Variants in LHCGR observed in about 807,000 individuals in gnomAD.
The protein encoded by LHCGR is luteinizing hormone/choriogonadotropin receptor, also known as lutropin-choriogonadotropic hormone receptor.
A neutral mutation model predicts 60.7 loss-of-function variants in LHCGR; 55 were observed. The observed-to-expected ratio is 0.91, with a 90% CI of 0.73 to 1.13. The LOEUF (loss-of-function observed/expected upper bound fraction) is 1.13, where lower values mean the gene tolerates loss of function less well. LHCGR is among the 50% of genes most tolerant of loss of function. LHCGR has a pLI of 0.00. For synonymous variants in LHCGR, 337 were observed against 316.5 expected, an observed-to-expected ratio of 1.06 and a Z score of -0.69; for missense variants, 862 against 836.0, an observed-to-expected ratio of 1.03 and a Z score of -0.38.
At chr2:48,697,627 T>C (rs1667181643) in intron 9 of LHCGR, among the ~76,000 whole-genome samples, 1 of 152,198 alleles carries the variant, frequency 6.6e-6, no homozygotes, top group East Asian at 1.9e-4. Context: ...TAATTATAAA[T>C]AATTCATTTT....
chr2:48,747,252 C>G (rs866274542), intron 1 of LHCGR, among the ~76,000 whole-genome samples: 4 of 152,012 alleles, frequency 2.6e-5, no homozygotes, highest in Admixed American at 6.5e-5. Flanking sequence ...CCATGCCTGG[C>G]TAATTTTTTG....
chr2:48,746,372 T>C (rs879378425), intron 1 of LHCGR, among the ~76,000 whole-genome samples: 2 of 152,230 alleles, frequency 1.3e-5, no homozygotes, highest in Non-Finnish European at 2.9e-5. Context: ...ATCTTTCTTT[T>C]GGGCTCAGAT....
chr2:48,747,838 C>A (rs1170299544), intron 1 of LHCGR, among the ~76,000 whole-genome samples: 1 of 152,134 alleles, frequency 6.6e-6, no homozygotes, highest in East Asian at 1.9e-4. Flanking sequence ...TACCCAGAGC[C>A]CCACCCAAGG....
chr2:48,699,775 C>A (rs927807841), intron 8 of LHCGR, among the ~76,000 whole-genome samples: 4 of 152,230 alleles, frequency 2.6e-5, no homozygotes, highest in Non-Finnish European at 5.9e-5. Context: ...GTGAAAAGCT[C>A]AGGCTTTGTC....
chr2:48,752,230 G>A (rs1159881857), intron 1 of LHCGR, among the ~76,000 whole-genome samples: 2 of 152,206 alleles, frequency 1.3e-5, no homozygotes, highest in African/African-American at 2.4e-5. Context: ...CAGCAGGCTT[G>A]TCAGTGATAA....
In LHCGR at chr2:48,725,826, C is replaced by T. The variant is rs1292915908; in HGVS notation, c.309-76G>A. The T allele has an allele frequency of 4.1e-6, 5 of 1,225,230 alleles. No individual in the cohort carries two copies. The Admixed American group carries it at 8.4e-5, about 21-fold the overall frequency. 75.9% of individuals were successfully genotyped at this position (1,225,230 alleles called of 1,614,324 possible). A position where few individuals can be genotyped will look rare whatever the true frequency, so the allele number is the denominator to read the frequency against. On this transcript the variant is annotated intron_variant, in intron 3 of 10. Coordinates refer to ENST00000294954, the MANE Select transcript of LHCGR (RefSeq NM_000233.4). Reference sequence around the variant, plus strand: ...TTTGAAATGTGTGAGATCATGGTCACCAGAAGTTGCTGGCTGAAAATGGCA... The same window carrying T: ...TTTGAAATGTGTGAGATCATGGTCATCAGAAGTTGCTGGCTGAAAATGGCA...
At chr2:48,749,565 TA>T (rs1347158606) in intron 1 of LHCGR, among the ~76,000 whole-genome samples, 1 of 152,084 alleles carries the variant, frequency 6.6e-6, no homozygotes, top group Non-Finnish European at 1.5e-5. Flanking sequence ...ACATTTGGTG[TA>T]GCCACTCTGG....
intron 6 of LHCGR, among the ~76,000 whole-genome samples, chr2:48,717,733 G>T (rs1229148639): frequency 1.3e-5 from 2 of 151,852 alleles, no homozygotes; most frequent in African/African-American, 4.8e-5. Flanking sequence ...CAGGTCAGTG[G>T]CCTGGGCTGC....
At chr2:48,709,117 G>A (rs1667853104) in intron 7 of LHCGR, 95 bp from the exon 8 acceptor site, 2 of 927,926 alleles carry the variant, frequency 2.2e-6, no homozygotes, top group Non-Finnish European at 1.8e-6. Flanking sequence ...CTATGTGCAT[G>A]ATGTATAGGG....
chr2:48,749,636 A>G (rs1275154147), intron 1 of LHCGR, among the ~76,000 whole-genome samples: 1 of 152,036 alleles, frequency 6.6e-6, no homozygotes, highest in African/African-American at 2.4e-5. Flanking sequence ...AAAGAAGCCA[A>G]CTGAGGGGCT....
intron 10 of LHCGR, among the ~76,000 whole-genome samples, chr2:48,689,088 CAT>C (rs543932301): frequency 1.3e-4 from 19 of 151,402 alleles, no homozygotes; most frequent in East Asian, 1.2e-3. Flanking sequence ...TATATACACA[CAT>C]ATATATACAT....
intron 1 of LHCGR, among the ~76,000 whole-genome samples, chr2:48,734,230 A>T (rs1021912388): frequency 3.9e-5 from 6 of 152,222 alleles, no homozygotes; most frequent in African/African-American, 1.4e-4. Flanking sequence ...TCTTCAAATC[A>T]TGGAACTGAG....
Position 48,687,244 on chromosome 2 carries a change from T to G in LHCGR, c.*453A>C, listed in dbSNP as rs1253203490. ...TTTATTTAATTTTAATTTAGCCACA[T>G]GTGGCTAGTGGCTACCGGATTGGAC... On this transcript the variant is annotated 3_prime_UTR_variant, in exon 11 of 11. Coordinates refer to ENST00000294954, the MANE Select transcript of LHCGR (RefSeq NM_000233.4). 6.3e-6 allele frequency: 1 copy of G among 158,780 alleles called. No homozygotes were observed. The highest frequency in any genetic ancestry group is 2.4e-5 in the African/African-American group (1 of 41,482). The allele number at this position is 158,780 out of a possible 1,614,324, so 9.8% of individuals were successfully genotyped here. A position where few individuals can be genotyped will look rare whatever the true frequency, so the allele number is the denominator to read the frequency against.
Position 48,743,645 on chromosome 2 carries a change from C to A in LHCGR, c.161+11866G>T, listed in dbSNP as rs1434758253. On this transcript the variant is annotated intron_variant, in intron 1 of 10. Coordinates refer to ENST00000294954, the MANE Select transcript of LHCGR (RefSeq NM_000233.4). Reference sequence around the variant, plus strand: ...AAGGACTTTGACAAAATTCAACAACCCTTCATGCTAAAAACTCTCAATAAA... The same window carrying A: ...AAGGACTTTGACAAAATTCAACAACACTTCATGCTAAAAACTCTCAATAAA... Among the ~76,000 whole-genome samples the A allele has an allele frequency of 1.1e-4, 17 of 151,600 alleles. No individual in the cohort carries two copies. In the East Asian group the frequency reaches 1.8e-3, roughly 16 times the overall value.
intron 8 of LHCGR, among the ~76,000 whole-genome samples, chr2:48,706,708 G>A (rs1298781323): frequency 1.3e-5 from 2 of 152,152 alleles, no homozygotes; most frequent in Admixed American, 1.3e-4. Context: ...TATGCTTCAC[G>A]AAGTTCTCAT....
intron 3 of LHCGR, 57 bp downstream of exon 3, chr2:48,729,096 T>A: frequency 7.6e-7 from 1 of 1,308,244 alleles, no homozygotes. Flanking sequence ...CCAAGTGGGC[T>A]CCAGCCAGTG....
chr2:48,734,087 CA>C (rs1311687892), intron 1 of LHCGR, among the ~76,000 whole-genome samples: 8 of 152,096 alleles, frequency 5.3e-5, no homozygotes, highest in African/African-American at 1.9e-4. Flanking sequence ...ATTGTGGCAT[CA>C]GGGGCTTGGA....
At chr2:48,739,703 C>T (rs1167123926) in intron 1 of LHCGR, among the ~76,000 whole-genome samples, 2 of 151,886 alleles carry the variant, frequency 1.3e-5, no homozygotes, top group Non-Finnish European at 2.9e-5. Context: ...AGGAGATATA[C>T]CTAATGTTAA....
intron 1 of LHCGR, chr2:48,732,957 G>T (rs769573585): frequency 5.6e-6 from 3 of 534,072 alleles, no homozygotes; most frequent in South Asian, 1.4e-5. Flanking sequence ...AGAAGAACAG[G>T]GACAGTGTGG....
Sources: gnomAD v4.1 joint callset for allele counts (sites outside exome capture counted in the v4.1 genomes callset) on GRCh38, gnomAD v4.1.1 for gene constraint, MANE v1.5 for transcripts, NCBI Gene and HGNC (gene_info 2026-07-23, HGNC 2026-07-21) for gene names.